NRDC: variants seen among roughly 807,000 people sequenced by gnomAD.
NRDC encodes the protein nardilysin.
NRDC carries 54 observed loss-of-function variants against 147.1 expected under a neutral mutation model. The ratio of observed to expected loss-of-function variants is 0.37; its 90% CI spans 0.29 to 0.46. NRDC has a LOEUF of 0.46. Ranked by LOEUF, NRDC falls within the 20% of genes least tolerant of loss-of-function variation. NRDC has a pLI of 1.00. For missense variants in NRDC, 1,082 were observed against 1,370.6 expected, an observed-to-expected ratio of 0.79 and a Z score of 3.33; for synonymous variants, 440 against 482.1, an observed-to-expected ratio of 0.91 and a Z score of 1.14.
chr1:51,849,538 C>T (rs1681831343), intron 1 of NRDC, among the ~76,000 whole-genome samples: 1 of 152,074 alleles, frequency 6.6e-6, no homozygotes, highest in Non-Finnish European at 1.5e-5. Context: ...AAAAGATGGC[C>T]GGGCACGGTG....
Position 51,803,911 on chromosome 1 carries a change from G to C in NRDC, c.2216C>G (p.Pro739Arg). The C allele has an allele frequency of 6.2e-7, 1 of 1,613,244 alleles. No homozygotes were observed. The highest frequency in any genetic ancestry group is 8.5e-7 in the Non-Finnish European group (1 of 1,179,500). ...CTGTGCCACATCTGCTTCATAAGCTGGTTCCGCAAGGTTATGCGTAAGGAT... is the reference window on the plus strand; with the variant it reads ...CTGTGCCACATCTGCTTCATAAGCTCGTTCCGCAAGGTTATGCGTAAGGAT... ...VNILTHNLAEPAYEADVAQLE... is the reference protein window; with the variant it reads ...VNILTHNLAERAYEADVAQLE... Residue 739 changes from proline to arginine, a missense_variant, in exon 20 of 31, where the codon CCA becomes CGA. Around this residue, in one of 3 missense-constraint regions of NRDC, gnomAD observed 635 missense variants for 923.8 expected, o/e 0.69. Transcript: ENST00000352171.
intron 5 of NRDC, among the ~76,000 whole-genome samples, chr1:51,825,936 T>C (rs1236663031): frequency 6.6e-6 from 1 of 152,202 alleles, no homozygotes; most frequent in Non-Finnish European, 1.5e-5. Context: ...AATGATTAGG[T>C]AATGAGGGCA....
intron 1 of NRDC, among the ~76,000 whole-genome samples, chr1:51,876,607 G>A (rs944271117): frequency 7.2e-5 from 11 of 152,148 alleles, no homozygotes; most frequent in African/African-American, 1.2e-4. Context: ...TTGGATTAGG[G>A]ATACTCAACC....
intron 2 of NRDC, chr1:51,837,571 C>T (rs748306201): frequency 6.3e-7 from 1 of 1,594,340 alleles, no homozygotes; most frequent in Non-Finnish European, 8.6e-7. Flanking sequence ...TGACTTAAAC[C>T]ACAGTCTATC....
At chr1:51,794,345 G>T (rs1339260630) in intron 24 of NRDC, 127 bp downstream of exon 24, 2 of 877,738 alleles carry the variant, frequency 2.3e-6, no homozygotes, top group East Asian at 4.9e-5. Context: ...AAATGTAGTT[G>T]CTTCAAGAGG....
At chr1:51,817,725 AG>A (rs1398053138) in intron 10 of NRDC, among the ~76,000 whole-genome samples, 6 of 152,194 alleles carry the variant, frequency 3.9e-5, no homozygotes. Flanking sequence ...TGATATTTTT[AG>A]TCGAGACAGG....
At chr1:51,851,162 A>T (rs1467335280) in intron 1 of NRDC, among the ~76,000 whole-genome samples, 1 of 152,048 alleles carries the variant, frequency 6.6e-6, no homozygotes, top group Non-Finnish European at 1.5e-5. Flanking sequence ...ATTAGAAATA[A>T]ATCACCTGAG....
chr1:51,857,625 C>T (rs939159522), intron 1 of NRDC, among the ~76,000 whole-genome samples: 1 of 152,112 alleles, frequency 6.6e-6, no homozygotes, highest in Non-Finnish European at 1.5e-5. Context: ...TGTTTGGAAC[C>T]GAGTTTGAGC....
intron 1 of NRDC, among the ~76,000 whole-genome samples, chr1:51,873,046 G>A (rs1317774117): frequency 6.6e-6 from 1 of 152,132 alleles, no homozygotes; most frequent in Admixed American, 6.5e-5. Context: ...GTGTGTCTGT[G>A]TGTGTGTGAA....
intron 21 of NRDC, among the ~76,000 whole-genome samples, chr1:51,799,524 C>G (rs1443543840): frequency 6.6e-6 from 1 of 152,108 alleles, no homozygotes; most frequent in East Asian, 1.9e-4. Flanking sequence ...TTCATTACAG[C>G]TGTGTCAAAA....
chr1:51,837,819 T>TA (rs754656110), intron 2 of NRDC, among the ~76,000 whole-genome samples: 41 of 152,290 alleles, frequency 2.7e-4, no homozygotes, highest in Admixed American at 6.5e-4. Context: ...CGGAGAGGGA[T>TA]AAAAAAGATG....
chr1:51,869,800 T>C (rs1682995062), intron 1 of NRDC, among the ~76,000 whole-genome samples: 2 of 152,238 alleles, frequency 1.3e-5, no homozygotes, highest in South Asian at 2.1e-4. Flanking sequence ...CCACACAAAA[T>C]ATACAATATC....
intron 1 of NRDC, among the ~76,000 whole-genome samples, chr1:51,846,176 G>A (rs1000137268): frequency 1.3e-5 from 2 of 151,660 alleles, no homozygotes; most frequent in Non-Finnish European, 2.9e-5. Context: ...CAGTGGTGCC[G>A]TCTCGGCTCA....
At chr1:51,847,554 C>G in intron 1 of NRDC, among the ~76,000 whole-genome samples, 1 of 152,334 alleles carries the variant, frequency 6.6e-6, no homozygotes, top group East Asian at 1.9e-4. Context: ...GGCGAGAAAT[C>G]GAGCGCAGCG....
chr1:51,825,162 G>C (rs1680389534), intron 6 of NRDC, 125 bp downstream of exon 6: 8 of 658,200 alleles, frequency 1.2e-5, no homozygotes, highest in Non-Finnish European at 1.8e-5. Context: ...AGGCTAACTA[G>C]CTATCCTAAA....
intron 1 of NRDC, among the ~76,000 whole-genome samples, chr1:51,851,443 T>C (rs1361035600): frequency 2.6e-5 from 4 of 151,904 alleles, no homozygotes; most frequent in Non-Finnish European, 5.9e-5. Flanking sequence ...TTTAATGCCT[T>C]GTCCAGGGTT....
intron 1 of NRDC, among the ~76,000 whole-genome samples, chr1:51,864,666 T>C (rs1412502967): frequency 6.6e-6 from 1 of 151,968 alleles, no homozygotes; most frequent in Non-Finnish European, 1.5e-5. Context: ...TAAAATTAGA[T>C]TTTTGCCAGG....
intron 13 of NRDC, 87 bp downstream of exon 13, chr1:51,814,464 G>T: frequency 7.7e-7 from 1 of 1,303,032 alleles, no homozygotes; most frequent in Non-Finnish European, 1.1e-6. Flanking sequence ...AACCATCAAG[G>T]CAAGACTAAA....
intron 1 of NRDC, among the ~76,000 whole-genome samples, chr1:51,849,853 A>T: frequency 6.6e-6 from 1 of 150,850 alleles, no homozygotes; most frequent in East Asian, 2.0e-4. Context: ...AAGGAAGAAC[A>T]AGGGGAAGGA....
Sources: allele counts gnomAD v4.1 joint callset (sites outside exome capture counted in the v4.1 genomes callset), GRCh38; gene constraint gnomAD v4.1.1; regional missense constraint gnomAD v4.1.1; transcripts MANE v1.5; gene names NCBI Gene and HGNC (gene_info 2026-07-23, HGNC 2026-07-21).